Variants in PRKCE observed in about 807,000 individuals in gnomAD.
PRKCE encodes the protein protein kinase C epsilon, also known as protein kinase C epsilon type.
PRKCE carries 16 observed loss-of-function variants against 85.4 expected under a neutral mutation model. That is an observed-to-expected ratio of 0.19 (90% CI 0.13 to 0.28). PRKCE has a LOEUF of 0.28. Among genes scored for constraint, PRKCE ranks in the 10% least tolerant of loss-of-function variants. The pLI is 1.00. For synonymous variants in PRKCE, 388 were observed against 371.5 expected (o/e 1.04, Z -0.51); for missense variants, 573 against 975.2 (o/e 0.59, Z 5.49).
At position 45,651,869 on chromosome 2, in the gene PRKCE, T is replaced by A. The variant is rs1324392306; in HGVS notation, c.-232T>A. 2.3e-6 allele frequency: 1 copy of A among 441,936 alleles called. No individual in the cohort carries two copies. Among genetic ancestry groups the A allele is most frequent in the Non-Finnish European group, 4.0e-6 (1 of 248,740 alleles). The allele number at this position is 441,936 out of a possible 1,614,324, so 27.4% of individuals were successfully genotyped here. On this transcript the variant is annotated 5_prime_UTR_variant, in exon 1 of 15. Coordinates refer to ENST00000306156, the MANE Select transcript of PRKCE (RefSeq NM_005400.3). ...GAGAGACTTGCTCCAAACACGGACATCCCCCAGCTCTCCCCCCTCCCTGTT... is the reference window on the plus strand; with the variant it reads ...GAGAGACTTGCTCCAAACACGGACAACCCCCAGCTCTCCCCCCTCCCTGTT...
At chr2:46,052,233 T>C (rs1708900336) in intron 10 of PRKCE, among the ~76,000 whole-genome samples, 1 of 152,166 alleles carries the variant, frequency 6.6e-6, no homozygotes, top group Admixed American at 6.5e-5. Flanking sequence ...CCATCTGATA[T>C]GTAGAAAATA....
At chr2:46,170,229 GCTTT>G (rs1558525480) in intron 14 of PRKCE, among the ~76,000 whole-genome samples, 1 of 152,204 alleles carries the variant, frequency 6.6e-6, no homozygotes, top group Non-Finnish European at 1.5e-5. Context: ...ACCCTGGTCT[GCTTT>G]CTGTCACTGG....
At chr2:45,825,258 C>A (rs1042945089) in intron 1 of PRKCE, among the ~76,000 whole-genome samples, 27 of 152,304 alleles carry the variant, frequency 1.8e-4, no homozygotes, top group Middle Eastern at 3.4e-3. Context: ...AGTAAGAGAG[C>A]ACCTTGGGCA....
chr2:46,103,277 T>C (rs937097948), intron 11 of PRKCE, among the ~76,000 whole-genome samples: 3 of 152,246 alleles, frequency 2.0e-5, no homozygotes, highest in African/African-American at 7.2e-5. Flanking sequence ...TTCAGCACTT[T>C]CTTACTTTCT....
intron 2 of PRKCE, among the ~76,000 whole-genome samples, chr2:45,877,841 C>T (rs1694593306): frequency 6.6e-6 from 1 of 152,166 alleles, no homozygotes; most frequent in African/African-American, 2.4e-5. Context: ...TTGAACCTTA[C>T]ATTTGTTTTA....
chr2:45,817,729 C>G (rs1168103775), intron 1 of PRKCE, among the ~76,000 whole-genome samples: 1 of 152,192 alleles, frequency 6.6e-6, no homozygotes, highest in African/African-American at 2.4e-5. Flanking sequence ...TCCTGAGATT[C>G]TGCTGACACC....
chr2:45,931,428 T>C (rs1212547478), intron 2 of PRKCE, among the ~76,000 whole-genome samples: 1 of 152,194 alleles, frequency 6.6e-6, no homozygotes, highest in Non-Finnish European at 1.5e-5. Flanking sequence ...ACATAGGTGG[T>C]AAATGCTCTA....
intron 1 of PRKCE, among the ~76,000 whole-genome samples, chr2:45,659,297 C>T (rs895488198): frequency 5.9e-5 from 9 of 152,238 alleles, no homozygotes; most frequent in African/African-American, 1.4e-4. Flanking sequence ...CCATCCTTGA[C>T]GCCTGTAATT....
At chr2:45,738,429 C>T (rs1331709101) in intron 1 of PRKCE, among the ~76,000 whole-genome samples, 6 of 152,276 alleles carry the variant, frequency 3.9e-5, no homozygotes, top group South Asian at 4.1e-4. Context: ...TTGCCTTCCC[C>T]GAAATGCCCT....
At chr2:45,830,072 CAAAAAAAAAAA>C (rs34553119) in intron 1 of PRKCE, among the ~76,000 whole-genome samples, 2 of 108,888 alleles carry the variant, frequency 1.8e-5, no homozygotes, top group Non-Finnish European at 1.8e-5. Flanking sequence ...GACTCCGTCT[CAAAAAAAAAAA>C]AAAAAAAAAA....
chr2:45,732,769 A>G (rs35421249), intron 1 of PRKCE, among the ~76,000 whole-genome samples: 50,505 of 152,042 alleles, frequency 0.33, 9,788 homozygotes, highest in Non-Finnish European at 0.42. Flanking sequence ...ATCTTTCTCA[A>G]ATAAGATTCC....
chr2:45,906,644 G>A (rs964472821), intron 2 of PRKCE, among the ~76,000 whole-genome samples: 1 of 152,188 alleles, frequency 6.6e-6, no homozygotes, highest in South Asian at 2.1e-4. Flanking sequence ...GTTGGGGGAA[G>A]CTATCTCTGC....
chr2:45,733,801 G>A (rs1681798077), intron 1 of PRKCE, among the ~76,000 whole-genome samples: 1 of 152,222 alleles, frequency 6.6e-6, no homozygotes, highest in Admixed American at 6.5e-5. Flanking sequence ...GCATGGCTCT[G>A]CTGGTGACCT....
At chr2:46,080,600 G>A (rs1025796503) in intron 10 of PRKCE, among the ~76,000 whole-genome samples, 8 of 152,128 alleles carry the variant, frequency 5.3e-5, no homozygotes, top group African/African-American at 1.9e-4. Context: ...CTAGTTGCTG[G>A]ACTACAGTAA....
rs1678236406 is a variant in PRKCE at position 45,697,317 on chromosome 2, G to C, written c.348+44869G>C. On this transcript the variant is annotated intron_variant, in intron 1 of 14. Transcript: ENST00000306156. The surrounding 1 kb of genome is among the most constrained non-coding windows in gnomAD (Gnocchi z 4.2). Reference sequence around the variant, plus strand: ...GGCTCTGGTCCGGAGGTTTTATGGGGGATCTGGAGAGCTCTGGTCTGGCTG... The same window carrying C: ...GGCTCTGGTCCGGAGGTTTTATGGGCGATCTGGAGAGCTCTGGTCTGGCTG... Among the ~76,000 whole-genome samples the C allele has an allele frequency of 6.6e-6, 1 of 152,126 alleles. No individual in the cohort carries two copies. Among genetic ancestry groups the C allele is most frequent in the Non-Finnish European group, 1.5e-5 (1 of 68,026 alleles).
At chr2:46,072,914 C>T (rs1220541098) in intron 10 of PRKCE, among the ~76,000 whole-genome samples, 1 of 152,202 alleles carries the variant, frequency 6.6e-6, no homozygotes, top group South Asian at 2.1e-4. Context: ...ACCAAATGTT[C>T]ATGTTAGAAG....
At chr2:45,800,904 A>T (rs567738333) in intron 1 of PRKCE, among the ~76,000 whole-genome samples, 2 of 152,288 alleles carry the variant, frequency 1.3e-5, no homozygotes, top group South Asian at 2.1e-4. Flanking sequence ...AATCCACTCT[A>T]TGAGAGAGGC....
intron 1 of PRKCE, among the ~76,000 whole-genome samples, chr2:45,765,328 G>A (rs1374170726): frequency 2.0e-5 from 3 of 152,178 alleles, no homozygotes; most frequent in African/African-American, 7.2e-5. Flanking sequence ...TTATTGAAAG[G>A]TCAAACTAAT....
intron 1 of PRKCE, among the ~76,000 whole-genome samples, chr2:45,830,308 G>A (rs1690316205): frequency 6.6e-6 from 1 of 151,664 alleles, no homozygotes; most frequent in South Asian, 2.1e-4. Context: ...GAGAGAGAGA[G>A]AGAGAGAGAA....
Sources: gnomAD v4.1 joint callset for allele counts (sites outside exome capture counted in the v4.1 genomes callset) on GRCh38, gnomAD v4.1.1 for gene constraint, Gnocchi (gnomAD v3.1) non-coding constraint, MANE v1.5 for transcripts, NCBI Gene and HGNC (gene_info 2026-07-23, HGNC 2026-07-21) for gene names.